The following SCHIP1 variants were observed in gnomAD, a reference collection of about 807,000 sequenced individuals.
SCHIP1 encodes schwannomin-interacting protein 1.
Under a neutral mutation model 29.7 loss-of-function variants are expected in SCHIP1, and 8 were observed. That is an observed-to-expected ratio of 0.27 (90% CI 0.16 to 0.49). The LOEUF (loss-of-function observed/expected upper bound fraction) is 0.49. Ranked by LOEUF, SCHIP1 falls within the 20% of genes least tolerant of loss-of-function variation. SCHIP1 has a pLI of 0.99. For missense variants in SCHIP1, 193 were observed against 294.6 expected, an observed-to-expected ratio of 0.66 and a Z score of 2.52; for synonymous variants, 76 against 94.9, an observed-to-expected ratio of 0.80 and a Z score of 1.16.
the SCHIP1 span, among the ~76,000 whole-genome samples, chr3:159,540,229 T>TA: frequency 6.6e-6 from 1 of 151,908 alleles, no homozygotes; most frequent in Non-Finnish European, 1.5e-5. Flanking sequence ...TGATGTTTTT[T>TA]AAAAAAGAGT....
the SCHIP1 span, among the ~76,000 whole-genome samples, chr3:159,723,086 C>T: frequency 6.6e-6 from 1 of 152,144 alleles, no homozygotes; most frequent in Non-Finnish European, 1.5e-5. Context: ...TTTCTGACTC[C>T]TTGAGCAGAA....
chr3:159,362,563 A>C, the SCHIP1 span, among the ~76,000 whole-genome samples: 1 of 152,132 alleles, frequency 6.6e-6, no homozygotes, highest in Non-Finnish European at 1.5e-5. Flanking sequence ...AACCAACCTC[A>C]TTGTTCAGTT....
the SCHIP1 span, among the ~76,000 whole-genome samples, chr3:159,736,773 C>T: frequency 2.7e-5 from 4 of 150,292 alleles, no homozygotes; most frequent in African/African-American, 4.9e-5. Flanking sequence ...CTCGCTCTGT[C>T]GCCCAGGCTG....
At chr3:159,510,863 TGTCA>T in the SCHIP1 span, among the ~76,000 whole-genome samples, 12 of 152,314 alleles carry the variant, frequency 7.9e-5, no homozygotes, top group East Asian at 2.3e-3. Flanking sequence ...CTGTGTGATG[TGTCA>T]GTCTGCCCCT....
the SCHIP1 span, chr3:159,763,950 C>CGGGGCG: frequency 6.8e-6 from 1 of 146,090 alleles, no homozygotes. Flanking sequence ...AGGGGCGGGG[C>CGGGGCG]GGGGCGGGGC....
chr3:159,613,550 C>T, the SCHIP1 span, among the ~76,000 whole-genome samples: 8,956 of 152,238 alleles, frequency 0.059, 894 homozygotes, highest in African/African-American at 0.2. Flanking sequence ...TCACTAATTA[C>T]AATTTCCTGT....
chr3:159,599,077 C>A, the SCHIP1 span, among the ~76,000 whole-genome samples: 2 of 152,012 alleles, frequency 1.3e-5, no homozygotes. Context: ...TTATCCTATT[C>A]CTTTACTTTC....
At chr3:159,319,690 T>C in the SCHIP1 span, among the ~76,000 whole-genome samples, 1 of 152,246 alleles carries the variant, frequency 6.6e-6, no homozygotes, top group Non-Finnish European at 1.5e-5. Flanking sequence ...GCATTAAGTC[T>C]TCATTTTCTA....
the SCHIP1 span, among the ~76,000 whole-genome samples, chr3:159,612,132 A>T: frequency 5.3e-5 from 8 of 152,188 alleles, no homozygotes; most frequent in East Asian, 1.9e-4. Context: ...TAGTTAGGAA[A>T]AAACTGACTC....
At chr3:159,625,005 G>A in the SCHIP1 span, among the ~76,000 whole-genome samples, 1 of 152,188 alleles carries the variant, frequency 6.6e-6, no homozygotes, top group Non-Finnish European at 1.5e-5. Flanking sequence ...AGCCACTACA[G>A]GAAAGGAAGA....
upstream of SCHIP1, among the ~76,000 whole-genome samples, chr3:159,836,406 C>T (rs1330441694): frequency 1.3e-5 from 2 of 152,174 alleles, no homozygotes; most frequent in Non-Finnish European, 2.9e-5. Flanking sequence ...ACCTAATCAC[C>T]CCTCAATGGC....
the SCHIP1 span, among the ~76,000 whole-genome samples, chr3:159,767,786 A>G: frequency 2.6e-5 from 4 of 152,292 alleles, no homozygotes; most frequent in African/African-American, 9.6e-5. Flanking sequence ...GTAAAGTAAC[A>G]GCACTGCACC....
chr3:159,490,640 T>G, the SCHIP1 span, among the ~76,000 whole-genome samples: 1 of 152,206 alleles, frequency 6.6e-6, no homozygotes, highest in South Asian at 2.1e-4. Context: ...AATATTGAAT[T>G]AATTGATTTC....
chr3:159,864,395 A>G (rs1714381870), intron 1 of SCHIP1, among the ~76,000 whole-genome samples: 1 of 151,828 alleles, frequency 6.6e-6, no homozygotes, highest in Non-Finnish European at 1.5e-5. Flanking sequence ...AATAAGAACT[A>G]TGAAAGCAGT....
the SCHIP1 span, among the ~76,000 whole-genome samples, chr3:159,674,993 C>G: frequency 2.8e-4 from 43 of 152,312 alleles, 1 homozygote; most frequent in Non-Finnish European, 5.6e-4. Context: ...CTACATTGGA[C>G]CAGGAAGGCT....
chr3:159,368,632 G>T, the SCHIP1 span, among the ~76,000 whole-genome samples: 1 of 152,144 alleles, frequency 6.6e-6, no homozygotes, highest in African/African-American at 2.4e-5. Context: ...GGTAGCCTTT[G>T]CCCCTAACAG....
At chr3:159,532,184 T>C in the SCHIP1 span, among the ~76,000 whole-genome samples, 11 of 152,228 alleles carry the variant, frequency 7.2e-5, no homozygotes, top group Non-Finnish European at 1.2e-4. Context: ...GATTTCTTTC[T>C]GTAGGCAAGA....
In SCHIP1 at chr3:159,892,208, CT is replaced by C. The variant is rs1560099493; in HGVS notation, c.683+20del. On this transcript the variant is annotated intron_variant, in intron 6 of 6. Coordinates refer to ENST00000445224, the Ensembl canonical transcript of SCHIP1. ...TTGACCAGGTCAGTGTGGCTTCACT[CT>C]TGCCAAAGAAGAAAAGCCCAGGGTG... The C allele has an allele frequency of 6.2e-7, 1 of 1,613,924 alleles. No individual in the cohort carries two copies. The highest frequency in any genetic ancestry group is 1.1e-5 in the South Asian group (1 of 90,982).
At chr3:159,316,106 C>A in the SCHIP1 span, among the ~76,000 whole-genome samples, 7 of 151,802 alleles carry the variant, frequency 4.6e-5, no homozygotes, top group Non-Finnish European at 8.8e-5. Context: ...AGATCAGGTA[C>A]CTAGATGGTA....
Sources: gnomAD v4.1 joint callset for allele counts (sites outside exome capture counted in the v4.1 genomes callset) on GRCh38, gnomAD v4.1.1 for gene constraint, MANE v1.5 for transcripts, NCBI Gene and HGNC (gene_info 2026-07-23, HGNC 2026-07-21) for gene names.